CYP2J2: variants seen among roughly 807,000 people sequenced by gnomAD.
The protein encoded by CYP2J2 is cytochrome P450 family 2 subfamily J member 2, also known as cytochrome P450 2J2.
Under a neutral mutation model 48.8 loss-of-function variants are expected in CYP2J2, and 41 were observed. The observed-to-expected ratio is 0.84, with a 90% CI of 0.66 to 1.09. The LOEUF (loss-of-function observed/expected upper bound fraction) is 1.09, where lower values mean the gene tolerates loss of function less well. Among genes scored for constraint, CYP2J2 ranks in the 50% least tolerant of loss-of-function variants. The pLI, the probability that CYP2J2 is intolerant of heterozygous loss-of-function variation, is 0.00. For synonymous variants in CYP2J2, 221 were observed against 227.1 expected (o/e 0.97, Z 0.24); for missense variants, 644 against 617.3 (o/e 1.04, Z -0.46).
Position 59,912,300 on chromosome 1 carries a change from A to G in CYP2J2, c.385T>C (p.Ser129Pro). ...TGCTCCTTCCATGCCTGGCCACTTGACATAATCAATCCTGGGAAAAAGAAA... is the reference window on the plus strand; with the variant it reads ...TGCTCCTTCCATGCCTGGCCACTTGGCATAATCAATCCTGGGAAAAAGAAA... ...HIFKKNGLIM[S>P]SGQAWKEQRR... is the part of the protein sequence containing the mutation. The change falls in exon 3 of 9, where the codon TCA (serine) becomes CCA (proline). Residue 129 changes from serine (S) to proline (P), a missense_variant. By Grantham distance (74) the Ser-to-Pro change is moderately conservative (BLOSUM62 -1). Coordinates refer to ENST00000371204, the MANE Select transcript of CYP2J2 (RefSeq NM_000775.4). 2 of 1,612,832 alleles carry G rather than the reference A, an allele frequency of 1.2e-6. No homozygotes were observed. The highest frequency in any genetic ancestry group is 2.2e-5 in the South Asian group (2 of 90,722).
At chr1:59,934,755 G>C in the CYP2J2 span, among the ~76,000 whole-genome samples, 1,363 of 151,708 alleles carry the variant, frequency 9.0e-3, 20 homozygotes, top group African/African-American at 0.031. Context: ...TGCACTGTTG[G>C]TGGGAATGCA....
chr1:59,938,579 C>T, the CYP2J2 span, among the ~76,000 whole-genome samples: 56 of 152,286 alleles, frequency 3.7e-4, 1 homozygote, highest in South Asian at 3.9e-3. Context: ...CACCATAGGG[C>T]GGTTTTTCTC....
At chr1:59,941,785 T>TATAGA in the CYP2J2 span, among the ~76,000 whole-genome samples, 45,338 of 151,858 alleles carry the variant, frequency 0.3, 7,212 homozygotes, top group African/African-American at 0.42. Context: ...GAAAAACATG[T>TATAGA]ATAATGACAT....
intron 5 of CYP2J2, 86 bp downstream of exon 5, chr1:59,909,698 A>C: frequency 1.0e-6 from 1 of 975,516 alleles, no homozygotes; most frequent in East Asian, 2.6e-5. Context: ...CAAGTTTGTG[A>C]TCATATTTTA....
At chr1:59,912,343 C>A in intron 2 of CYP2J2, 32 bp from the exon 3 acceptor site, 1 of 1,593,020 alleles carries the variant, frequency 6.3e-7, no homozygotes, top group Non-Finnish European at 8.6e-7. Flanking sequence ...TTACAGTATT[C>A]TGATTCCATA....
intron 8 of CYP2J2, among the ~76,000 whole-genome samples, chr1:59,897,343 A>G (rs1004426062): frequency 6.6e-6 from 1 of 152,186 alleles, no homozygotes; most frequent in East Asian, 1.9e-4. Flanking sequence ...CTATTAATAA[A>G]CCATTCATTC....
chr1:59,963,690 CA>C, the CYP2J2 span, among the ~76,000 whole-genome samples: 1 of 152,040 alleles, frequency 6.6e-6, no homozygotes, highest in African/African-American at 2.4e-5. Context: ...ACTGAGACAC[CA>C]TCTTGAAATA....
the CYP2J2 span, among the ~76,000 whole-genome samples, chr1:59,964,888 A>G: frequency 6.6e-6 from 1 of 152,180 alleles, no homozygotes; most frequent in African/African-American, 2.4e-5. Flanking sequence ...AGAAATTTAT[A>G]TTGGGAGGAG....
chr1:59,955,283 TATATATATC>T, the CYP2J2 span, among the ~76,000 whole-genome samples: 1 of 107,480 alleles, frequency 9.3e-6, no homozygotes, highest in Non-Finnish European at 1.8e-5. Context: ...TATATCCATA[TATATATATC>T]CATATATATA....
intron 5 of CYP2J2, among the ~76,000 whole-genome samples, chr1:59,909,330 G>A (rs1216994855): frequency 6.6e-6 from 1 of 152,174 alleles, no homozygotes; most frequent in Admixed American, 6.5e-5. Flanking sequence ...ATGTGGTTAA[G>A]GATTTTGAGA....
intron 5 of CYP2J2, 54 bp from the exon 6 acceptor site, chr1:59,907,981 T>C (rs1644379578): frequency 6.4e-7 from 1 of 1,570,856 alleles, no homozygotes. Context: ...GGATTCCTGA[T>C]TGCCGTAACA....
At chr1:59,967,320 ATGAG>A in the CYP2J2 span, among the ~76,000 whole-genome samples, 1 of 152,214 alleles carries the variant, frequency 6.6e-6, no homozygotes, top group Non-Finnish European at 1.5e-5. Context: ...TTCCTTTCCA[ATGAG>A]TCAGTGTTTA....
At chr1:59,915,279 C>G (rs1644454633) in intron 2 of CYP2J2, among the ~76,000 whole-genome samples, 1 of 152,190 alleles carries the variant, frequency 6.6e-6, no homozygotes, top group East Asian at 1.9e-4. Flanking sequence ...TTTCTCTATA[C>G]TTTGTCTCTG....
chr1:59,943,367 G>A, the CYP2J2 span, among the ~76,000 whole-genome samples: 8 of 152,304 alleles, frequency 5.3e-5, no homozygotes, highest in East Asian at 5.8e-4. Context: ...GCTAGCAGGA[G>A]GGCCTGGAAG....
At chr1:59,955,192 G>A in the CYP2J2 span, among the ~76,000 whole-genome samples, 1 of 146,200 alleles carries the variant, frequency 6.8e-6, no homozygotes, top group Non-Finnish European at 1.5e-5. Context: ...TAAAAAATAT[G>A]TGCATATGCA....
At chr1:59,927,945 A>C (rs1644582352), upstream of CYP2J2, among the ~76,000 whole-genome samples, 1 of 152,188 alleles carries the variant, frequency 6.6e-6, no homozygotes, top group Non-Finnish European at 1.5e-5. Context: ...TTATCCTTCT[A>C]GTCCACATTT....
the CYP2J2 span, among the ~76,000 whole-genome samples, chr1:59,943,487 GA>G: frequency 6.6e-6 from 1 of 152,198 alleles, no homozygotes; most frequent in Non-Finnish European, 1.5e-5. Flanking sequence ...GCAATGCAGA[GA>G]TTAGCACGAG....
chr1:59,933,454 A>T, the CYP2J2 span, among the ~76,000 whole-genome samples: 5 of 152,206 alleles, frequency 3.3e-5, no homozygotes, highest in Non-Finnish European at 7.4e-5. Flanking sequence ...ATCAGAGTGG[A>T]TTAAAAAATA....
At chr1:59,937,583 C>T in the CYP2J2 span, among the ~76,000 whole-genome samples, 1 of 152,118 alleles carries the variant, frequency 6.6e-6, no homozygotes, top group Non-Finnish European at 1.5e-5. Flanking sequence ...TTCTATATAA[C>T]CTTCTTGGAT....
Sources: gnomAD v4.1 joint callset for allele counts (sites outside exome capture counted in the v4.1 genomes callset) on GRCh38, gnomAD v4.1.1 for gene constraint, MANE v1.5 for transcripts, NCBI Gene and HGNC (gene_info 2026-07-23, HGNC 2026-07-21) for gene names.